TPM4: variants seen among roughly 807,000 people sequenced by gnomAD.
The protein encoded by TPM4 is tropomyosin alpha-4 chain.
TPM4 carries 17 observed loss-of-function variants against 35.8 expected under a neutral mutation model. That is an observed-to-expected ratio of 0.47 (90% CI 0.32 to 0.71). The LOEUF is 0.71. Ranked by LOEUF, TPM4 falls within the 30% of genes least tolerant of loss-of-function variation. The probability of loss-of-function intolerance (pLI) is 0.03; values close to 1 mark genes in which losing one functional copy is unlikely to be tolerated. For missense variants in TPM4, 240 were observed against 320.9 expected (o/e 0.75, Z 1.93); for synonymous variants, 120 against 122.9 (o/e 0.98, Z 0.15).
In TPM4 at chr19:16,088,096, C is replaced by T; in HGVS notation, c.454C>T (p.Leu152=). The T allele has an allele frequency of 6.2e-7, 1 of 1,610,878 alleles. No individual in the cohort carries two copies. The highest frequency in any genetic ancestry group is 8.5e-7 in the Non-Finnish European group (1 of 1,178,970). ...AGAGGAGCGTGCGGAGGTGTCTGAA[C>T]TGTGAGTGGCAGAACAGGACTGAGC... ...RAEERAEVSE[L]KCGDLEEELK... is the part of the protein sequence containing the mutation. Residue 152 remains leucine, a splice_region_variant and synonymous_variant, in exon 4 of 8, where the codon CTA becomes TTA. Transcript: ENST00000643579.
intron 7 of TPM4, among the ~76,000 whole-genome samples, chr19:16,097,367 C>T (rs192764685): frequency 1.5e-3 from 222 of 151,626 alleles, no homozygotes; most frequent in East Asian, 7.2e-3. Context: ...CTCTGCCTCA[C>T]GGGTTCAAGC....
chr19:16,095,086 T>C (rs527681661), intron 7 of TPM4, among the ~76,000 whole-genome samples: 8 of 152,326 alleles, frequency 5.3e-5, no homozygotes, highest in African/African-American at 1.4e-4. Context: ...ATCAACTCCA[T>C]AGATCTTTGG....
At chr19:16,081,833 A>G in intron 1 of TPM4, 80 bp from the exon 2 acceptor site, 1 of 1,454,892 alleles carries the variant, frequency 6.9e-7, no homozygotes, top group Non-Finnish European at 9.2e-7. Context: ...TCAGGTTAAC[A>G]GAGGGCAGGA....
intron 1 of TPM4, chr19:16,077,835 C>G (rs780264064): frequency 1.6e-5 from 4 of 253,274 alleles, no homozygotes; most frequent in Non-Finnish European, 3.0e-5. Context: ...GATCTCGGCT[C>G]GCTGCAACCT....
intron 2 of TPM4, among the ~76,000 whole-genome samples, chr19:16,069,032 T>G (rs2090325895): frequency 6.6e-6 from 1 of 152,122 alleles, no homozygotes; most frequent in African/African-American, 2.4e-5. Context: ...ACAGGCTGAC[T>G]GTGTGTGTGC....
chr19:16,081,787 T>C, intron 1 of TPM4, 126 bp from the exon 2 acceptor site: 2 of 1,282,238 alleles, frequency 1.6e-6, no homozygotes, highest in Non-Finnish European at 2.1e-6. Flanking sequence ...AAATTCCCTA[T>C]GGCCTGGACT....
At chr19:16,084,768 C>A (rs966743011) in intron 2 of TPM4, among the ~76,000 whole-genome samples, 11 of 152,128 alleles carry the variant, frequency 7.2e-5, no homozygotes, top group African/African-American at 2.7e-4. Context: ...AGCTTGCTCA[C>A]ATGCTGAGGG....
rs201830653 is a variant in TPM4, at chr19:16,089,111, A to C, written c.522A>C (p.Ala174=). 5.1e-5 allele frequency: 83 copies of C among 1,613,620 alleles called. No homozygotes were observed. The highest frequency in any genetic ancestry group is 6.9e-5 in the Non-Finnish European group (81 of 1,180,020). The change falls in exon 5 of 8, where the codon GCA becomes GCC. Residue 174 remains alanine, a synonymous_variant. Transcript: ENST00000643579. ...VTNNLKSLEA[A]SEKYSEKEDK... ...ACAATCTGAAATCTCTGGAGGCTGC[A>C]TCTGAAAAGGTAGGTGGTTGGCTTG...
At chr19:16,083,006 A>G (rs2090503211) in intron 2 of TPM4, among the ~76,000 whole-genome samples, 1 of 151,068 alleles carries the variant, frequency 6.6e-6, no homozygotes, top group Non-Finnish European at 1.5e-5. Context: ...AAAAAAAAAA[A>G]AAAAAAAAGC....
chr19:16,079,998 G>A (rs927908618), intron 1 of TPM4: 4 of 181,558 alleles, frequency 2.2e-5, no homozygotes, highest in Non-Finnish European at 3.5e-5. Context: ...CACCGCGCCC[G>A]GCCTTCCTAA....
chr19:16,089,028 C>G lies in TPM4; in HGVS notation c.456-17C>G, dbSNP rs2144945848. 1 of 1,613,808 alleles carries G rather than the reference C, an allele frequency of 6.2e-7. No homozygotes were observed. Among genetic ancestry groups the G allele is most frequent in the Non-Finnish European group, 8.5e-7 (1 of 1,179,870 alleles). ...GTAAGGGAAGATAAGACACAAAAATCCTTTGTCTTTGTGCAGAAAATGTGG... is the reference window on the plus strand; with the variant it reads ...GTAAGGGAAGATAAGACACAAAAATGCTTTGTCTTTGTGCAGAAAATGTGG... On this transcript the variant is annotated splice_polypyrimidine_tract_variant and intron_variant, in intron 4 of 7. Transcript: ENST00000643579.
intron 7 of TPM4, among the ~76,000 whole-genome samples, chr19:16,096,836 G>A (rs1284534422): frequency 6.7e-6 from 1 of 150,294 alleles, no homozygotes; most frequent in African/African-American, 2.4e-5. Context: ...GTTATAACAG[G>A]AACCTTGCTT....
intron 4 of TPM4, 193 bp from the exon 5 acceptor site, chr19:16,088,852 A>C: frequency 7.2e-7 from 1 of 1,385,120 alleles, no homozygotes; most frequent in Non-Finnish European, 9.4e-7. Context: ...TCTGCCTGGT[A>C]TGATAAGCCT....
At chr19:16,086,731 G>A (rs140181846) in intron 3 of TPM4, among the ~76,000 whole-genome samples, 191 bp downstream of exon 3, 12 of 152,274 alleles carry the variant, frequency 7.9e-5, no homozygotes, top group East Asian at 3.9e-4. Context: ...AAAGTGCTGC[G>A]GACGCTTGTC....
At chr19:16,080,528 C>G (rs10424913) in intron 1 of TPM4, 1 of 190,208 alleles carries the variant, frequency 5.3e-6, no homozygotes, top group African/African-American at 2.3e-5. Context: ...TGACAAAGCA[C>G]GGTCGGGCGC....
chr19:16,102,939 C>A lies in TPM4; in HGVS notation c.*1593C>A, dbSNP rs968407628. Reference sequence around the variant, plus strand: ...AAATCCACACTTTAGATTCTTGCAACTGTATCATATGTAATAGTATCACTT... The same window carrying A: ...AAATCCACACTTTAGATTCTTGCAAATGTATCATATGTAATAGTATCACTT... On this transcript the variant is annotated 3_prime_UTR_variant, in exon 8 of 8. Transcript: ENST00000643579. 3 of 204,254 alleles carry A rather than the reference C, an allele frequency of 1.5e-5. No homozygotes were observed. The highest frequency in any genetic ancestry group is 4.6e-5 in the African/African-American group (2 of 43,260). The allele number at this position is 204,254 out of a possible 1,614,324, so 12.7% of individuals were successfully genotyped here. A position where few individuals can be genotyped will look rare whatever the true frequency, so the allele number is the denominator to read the frequency against.
At chr19:16,081,840 A>T (rs1733223294) in intron 1 of TPM4, 73 bp from the exon 2 acceptor site, 2 of 1,480,590 alleles carry the variant, frequency 1.4e-6, no homozygotes, top group African/African-American at 2.8e-5. Flanking sequence ...AACAGAGGGC[A>T]GGACATGGGG....
In TPM4 at chr19:16,070,723, C is replaced by A. The variant is rs1328307263; in HGVS notation, c.114+2985C>A. ...AATAAATGTAGGTTGATTTCCTGCC[C>A]CGCCCTACTTCCCCTTTGGGCCTCC... is the stretch of plus-strand genomic sequence containing the variant. On this transcript the variant is annotated intron_variant, in intron 2 of 2. Coordinates refer to the TPM4 transcript ENST00000589897. This position sits in a 1 kb window ranked among gnomAD's most constrained non-coding sequence, Gnocchi z 7.4. Among the ~76,000 whole-genome samples, 5 of 152,118 alleles carry A rather than the reference C, an allele frequency of 3.3e-5. No homozygotes were observed. In the East Asian group the frequency reaches 5.8e-4, roughly 18 times the overall value.
At chr19:16,100,314 G>A (rs1373764623) in intron 7 of TPM4, 1 of 152,188 alleles carries the variant, frequency 6.6e-6, no homozygotes, top group African/African-American at 2.4e-5. Context: ...CTGAGTTTCA[G>A]ATAAGCAATG....
Sources: allele counts gnomAD v4.1 joint callset (sites outside exome capture counted in the v4.1 genomes callset), GRCh38; gene constraint gnomAD v4.1.1; non-coding constraint Gnocchi (gnomAD v3.1); transcripts MANE v1.5; gene names NCBI Gene and HGNC (gene_info 2026-07-23, HGNC 2026-07-21).